Variants in GRAMD1B observed in about 807,000 individuals in gnomAD.
GRAMD1B encodes the protein protein Aster-B.
In GRAMD1B, 37 loss-of-function variants were observed where a neutral mutation model predicts 99.7. That is an observed-to-expected ratio of 0.37 (90% CI 0.29 to 0.49). The LOEUF (loss-of-function observed/expected upper bound fraction) is 0.49, where lower values mean the gene tolerates loss of function less well. GRAMD1B is among the 20% of genes least tolerant of loss of function. The pLI, the probability that GRAMD1B is intolerant of heterozygous loss-of-function variation, is 0.98. For missense variants in GRAMD1B, 888 were observed against 1,009.2 expected (o/e 0.88, Z 1.63); for synonymous variants, 427 against 387.6 (o/e 1.10, Z -1.19).
intron 1 of GRAMD1B, among the ~76,000 whole-genome samples, chr11:123,439,175 G>A (rs1432746424): frequency 1.3e-5 from 2 of 152,222 alleles, no homozygotes; most frequent in African/African-American, 4.8e-5. Context: ...GAGCCTGGAA[G>A]GAAGTGTCCT....
At chr11:123,442,517 C>A (rs1949455180) in intron 1 of GRAMD1B, among the ~76,000 whole-genome samples, 1 of 152,146 alleles carries the variant, frequency 6.6e-6, no homozygotes, top group African/African-American at 2.4e-5. Flanking sequence ...TGCCTATAAT[C>A]CCAGCACTTT....
chr11:123,525,734 C>T (rs1942650525), intron 2 of GRAMD1B: 3 of 207,534 alleles, frequency 1.4e-5, no homozygotes, highest in Admixed American at 1.1e-4. Context: ...GCTTCCTTCC[C>T]CAAAGCAGCT....
intron 1 of GRAMD1B, among the ~76,000 whole-genome samples, chr11:123,452,951 A>G (rs974846293): frequency 5.3e-5 from 8 of 152,228 alleles, no homozygotes; most frequent in African/African-American, 1.9e-4. Context: ...ACTGAAGTAA[A>G]GAATTCAATA....
intron 1 of GRAMD1B, 57 bp from the exon 2 acceptor site, chr11:123,480,759 C>T (rs1951552202): frequency 5.0e-6 from 2 of 398,768 alleles, no homozygotes; most frequent in East Asian, 3.6e-5. Context: ...AAGTGACCTC[C>T]CCCAGGGTTG....
At chr11:123,365,832 A>G (rs1414941731) in intron 1 of GRAMD1B, among the ~76,000 whole-genome samples, 2 of 152,210 alleles carry the variant, frequency 1.3e-5, no homozygotes, top group African/African-American at 4.8e-5. Context: ...ATGCTGAATA[A>G]AAGTTAGCAT....
chr11:123,399,360 A>T (rs886890076), intron 1 of GRAMD1B, among the ~76,000 whole-genome samples: 34 of 152,160 alleles, frequency 2.2e-4, no homozygotes, highest in Admixed American at 1.4e-3. Context: ...TATTCATGTT[A>T]TTCATGCTAT....
At chr11:123,372,839 TA>T (rs1229145052) in intron 1 of GRAMD1B, among the ~76,000 whole-genome samples, 2 of 152,312 alleles carry the variant, frequency 1.3e-5, no homozygotes, top group East Asian at 3.9e-4. Context: ...AGATTTGTGT[TA>T]ATAATTGAGA....
At chr11:123,583,338 G>GGTGTGCAC (rs779436580) in intron 3 of GRAMD1B, among the ~76,000 whole-genome samples, 1 of 148,702 alleles carries the variant, frequency 6.7e-6, no homozygotes, top group Non-Finnish European at 1.5e-5. Context: ...GCATGTGTGT[G>GGTGTGCAC]GTGTGCACGT....
chr11:123,502,774 CAAA>C (rs34321315), intron 2 of GRAMD1B, among the ~76,000 whole-genome samples: 8 of 98,494 alleles, frequency 8.1e-5, no homozygotes, highest in East Asian at 5.8e-4. Flanking sequence ...GACTCCATCT[CAAA>C]AAAAAAAAAA....
chr11:123,440,853 T>C (rs927138520), intron 1 of GRAMD1B, among the ~76,000 whole-genome samples: 1 of 152,278 alleles, frequency 6.6e-6, no homozygotes, highest in South Asian at 2.1e-4. Flanking sequence ...CCACATGTTG[T>C]GGGAGGGACC....
intron 2 of GRAMD1B, among the ~76,000 whole-genome samples, chr11:123,569,176 A>G (rs928972200): frequency 1.3e-5 from 2 of 152,132 alleles, no homozygotes; most frequent in Middle Eastern, 3.2e-3. Flanking sequence ...AGGCCCTTTC[A>G]GCTCTTTCTC....
chr11:123,601,072 G>A (rs918830801), intron 8 of GRAMD1B, among the ~76,000 whole-genome samples: 2 of 152,100 alleles, frequency 1.3e-5, no homozygotes, highest in Non-Finnish European at 2.9e-5. Flanking sequence ...AAGCTTGGAA[G>A]CTATAATAGA....
chr11:123,413,002 G>A (rs1948105783), intron 1 of GRAMD1B, among the ~76,000 whole-genome samples: 1 of 152,058 alleles, frequency 6.6e-6, no homozygotes, highest in African/African-American at 2.4e-5. Context: ...GGCTGGTCTC[G>A]AACTCCTGAC....
At chr11:123,520,185 G>A (rs552176556) in intron 2 of GRAMD1B, among the ~76,000 whole-genome samples, 1 of 152,254 alleles carries the variant, frequency 6.6e-6, no homozygotes, top group South Asian at 2.1e-4. Context: ...AACTCTTTCC[G>A]GCCTCCATTC....
intron 2 of GRAMD1B, among the ~76,000 whole-genome samples, chr11:123,541,561 C>G (rs1371747977): frequency 6.9e-6 from 1 of 143,980 alleles, no homozygotes; most frequent in Non-Finnish European, 1.5e-5. Flanking sequence ...TTGGCCTTTG[C>G]TCCCTTTCTT....
intron 8 of GRAMD1B, among the ~76,000 whole-genome samples, 163 bp downstream of exon 8, chr11:123,600,711 C>T (rs1951839918): frequency 6.6e-6 from 1 of 152,158 alleles, no homozygotes; most frequent in Admixed American, 6.5e-5. Context: ...GGCCTCAACA[C>T]CCCCAGGAGT....
intron 17 of GRAMD1B, 31 bp from the exon 18 acceptor site, chr11:123,618,662 T>G: frequency 1.7e-6 from 2 of 1,202,380 alleles, no homozygotes; most frequent in Non-Finnish European, 2.4e-6. Context: ...ATCTCACTGC[T>G]GATGTTTTTT....
intron 7 of GRAMD1B, 122 bp from the exon 8 acceptor site, chr11:123,600,346 C>T: frequency 1.6e-6 from 1 of 636,164 alleles, no homozygotes; most frequent in Non-Finnish European, 2.7e-6. Context: ...TCACAGGTAA[C>T]TGAGAGTCAT....
chr11:123,545,176 C>G (rs998214317), intron 2 of GRAMD1B, among the ~76,000 whole-genome samples: 1 of 152,186 alleles, frequency 6.6e-6, no homozygotes, highest in Non-Finnish European at 1.5e-5. Context: ...CTGCAGACTT[C>G]AGTGAGGTGC....
Sources: gnomAD v4.1 joint callset for allele counts (sites outside exome capture counted in the v4.1 genomes callset) on GRCh38, gnomAD v4.1.1 for gene constraint, MANE v1.5 for transcripts, NCBI Gene and HGNC (gene_info 2026-07-23, HGNC 2026-07-21) for gene names.